The following STIM1 variants were observed in gnomAD, a reference collection of about 807,000 sequenced individuals.
The protein encoded by STIM1 is stromal interaction molecule 1.
In STIM1, 25 loss-of-function variants were observed where a neutral mutation model predicts 74.7. The ratio of observed to expected loss-of-function variants is 0.33; its 90% CI spans 0.24 to 0.47. The LOEUF (loss-of-function observed/expected upper bound fraction) is 0.47. Among genes scored for constraint, STIM1 ranks in the 20% least tolerant of loss-of-function variants. The probability of loss-of-function intolerance (pLI) is 1.00; values close to 1 mark genes in which losing one functional copy is unlikely to be tolerated. For synonymous variants in STIM1, 328 were observed against 348.8 expected, an observed-to-expected ratio of 0.94 and a Z score of 0.66; for missense variants, 728 against 920.8, an observed-to-expected ratio of 0.79 and a Z score of 2.71.
chr11:4,021,574 A>C (rs1396524483), intron 2 of STIM1, among the ~76,000 whole-genome samples: 1 of 152,160 alleles, frequency 6.6e-6, no homozygotes, highest in Non-Finnish European at 1.5e-5. Flanking sequence ...ATGCTGTTTC[A>C]GTTACTATTG....
At chr11:3,967,895 G>A (rs73427556) in intron 2 of STIM1, among the ~76,000 whole-genome samples, 1 of 152,172 alleles carries the variant, frequency 6.6e-6, no homozygotes. Flanking sequence ...CTGTGCCTGG[G>A]CTGGCTGCCC....
At chr11:3,960,231 G>A (rs550007573) in intron 1 of STIM1, among the ~76,000 whole-genome samples, 7 of 152,240 alleles carry the variant, frequency 4.6e-5, no homozygotes, top group African/African-American at 1.7e-4. Context: ...GTATTTGGCA[G>A]AATTTTCTTG....
intron 3 of STIM1, among the ~76,000 whole-genome samples, chr11:4,025,138 A>G (rs191292752): frequency 2.0e-5 from 3 of 152,216 alleles, no homozygotes; most frequent in African/African-American, 4.8e-5. Flanking sequence ...GGTTGAAAGC[A>G]TTAGTCTAAG....
At chr11:3,992,104 T>G (rs2093621632) in intron 2 of STIM1, among the ~76,000 whole-genome samples, 1 of 142,766 alleles carries the variant, frequency 7.0e-6, no homozygotes, top group African/African-American at 2.6e-5. Flanking sequence ...TTTTTTTTTT[T>G]TTTTTTTAGT....
chr11:4,018,313 G>A (rs563141066), intron 2 of STIM1, among the ~76,000 whole-genome samples: 25 of 150,354 alleles, frequency 1.7e-4, no homozygotes, highest in East Asian at 1.9e-4. Flanking sequence ...TTAGCCGGGC[G>A]CGGTGGCGGG....
chr11:3,865,442 T>C (rs796384853), intron 1 of STIM1, among the ~76,000 whole-genome samples: 2 of 152,342 alleles, frequency 1.3e-5, no homozygotes, highest in African/African-American at 4.8e-5. Context: ...CACAATATTA[T>C]ATTATGTTCA....
In STIM1 at chr11:3,906,823, C is replaced by T. The variant is rs75502778; in HGVS notation, c.139+50414C>T. 3.9e-5 allele frequency among the ~76,000 whole-genome samples: 6 copies of T among 152,222 alleles called. No individual in the cohort carries two copies. In the East Asian group the frequency reaches 9.7e-4, roughly 24 times the overall value. On this transcript the variant is annotated intron_variant, in intron 1 of 12. Coordinates refer to ENST00000526596, the MANE Select transcript of STIM1 (RefSeq NM_001382567.1). ...GTTGAATAAAGCAATAAGTAGATGTCTTACCATCGATAAGATAACAATCTT... is the reference window on the plus strand; with the variant it reads ...GTTGAATAAAGCAATAAGTAGATGTTTTACCATCGATAAGATAACAATCTT...
In STIM1 at chr11:3,983,220, C is replaced by T. The variant is rs189394232; in HGVS notation, c.270+15538C>T. Among the ~76,000 whole-genome samples, 4 of 152,306 alleles carry T rather than the reference C, an allele frequency of 2.6e-5. No individual in the cohort carries two copies. The East Asian group carries it at 7.7e-4, about 29-fold the overall frequency. Reference sequence around the variant, plus strand: ...AAGTGTTGGGATTACAAGTGTAAGCCACCATGCCCTGCCTCTATCTCCATT... The same window carrying T: ...AAGTGTTGGGATTACAAGTGTAAGCTACCATGCCCTGCCTCTATCTCCATT... On this transcript the variant is annotated intron_variant, in intron 2 of 12. Transcript: ENST00000526596.
chr11:4,076,485 CAAAAAAAAAAAAAAAAA>C (rs58804386), intron 7 of STIM1, among the ~76,000 whole-genome samples: 4 of 40,756 alleles, frequency 9.8e-5, no homozygotes, highest in Non-Finnish European at 1.2e-4. Context: ...GACTCCATCT[CAAAAAAAAAAAAAAAAA>C]AAAAAAAAAA....
chr11:3,895,690 CTTTCT>C (rs1565104999), intron 1 of STIM1, among the ~76,000 whole-genome samples: 7 of 29,896 alleles, frequency 2.3e-4, no homozygotes, highest in Non-Finnish European at 3.5e-4. Context: ...TTCCTTCTTT[CTTTCT>C]TTCTTTCTTT....
intron 1 of STIM1, among the ~76,000 whole-genome samples, chr11:3,893,095 G>A (rs1197646502): frequency 6.6e-6 from 1 of 152,148 alleles, no homozygotes; most frequent in Non-Finnish European, 1.5e-5. Context: ...TAAGTTGTTT[G>A]TGTTCATAAG....
chr11:4,024,518 A>G lies in STIM1; in HGVS notation c.385+531A>G, dbSNP rs147582613. The stretch of plus-strand genomic sequence containing the variant: ...AGTAGCCCTACTTCTTGAAGAAAAC[A>G]TTTTCTCAGCCTCCTTCTTGTCTTG... On this transcript the variant is annotated intron_variant, in intron 3 of 12. Coordinates refer to ENST00000526596, the MANE Select transcript of STIM1 (RefSeq NM_001382567.1). 3.8e-3 allele frequency among the ~76,000 whole-genome samples: 575 copies of G among 152,184 alleles called. 3 individuals carry two copies. The highest frequency in any genetic ancestry group is 0.013 in the African/African-American group (549 of 41,510).
intron 1 of STIM1, among the ~76,000 whole-genome samples, chr11:3,916,444 C>G (rs2092644616): frequency 7.1e-6 from 1 of 140,022 alleles, no homozygotes; most frequent in Non-Finnish European, 1.5e-5. Flanking sequence ...TGTGCCACCA[C>G]ACCCAATTTT....
chr11:4,018,458 C>CAAAAAAAAAAA (rs1157096857), intron 2 of STIM1, among the ~76,000 whole-genome samples: 3 of 20,536 alleles, frequency 1.5e-4, no homozygotes, highest in Non-Finnish European at 2.7e-4. Flanking sequence ...GACTCCGTCT[C>CAAAAAAAAAAA]AAAAAAAAAA....
intron 7 of STIM1, among the ~76,000 whole-genome samples, chr11:4,077,022 G>T (rs11827790): frequency 1.3e-5 from 2 of 151,226 alleles, no homozygotes; most frequent in African/African-American, 2.4e-5. Flanking sequence ...TATGCTGTTC[G>T]TAAGAGACAC....
intron 5 of STIM1, among the ~76,000 whole-genome samples, chr11:4,066,198 A>C (rs972001573): frequency 6.6e-6 from 1 of 152,012 alleles, no homozygotes; most frequent in Non-Finnish European, 1.5e-5. Flanking sequence ...AGCTCTGTTC[A>C]CCTAGCCAGC....
At chr11:3,967,810 T>A in intron 2 of STIM1, 128 bp downstream of exon 2, 1 of 1,384,390 alleles carries the variant, frequency 7.2e-7, no homozygotes, top group Non-Finnish European at 1.0e-6. Context: ...AACTCATCCC[T>A]ATCAGGGAAG....
intron 1 of STIM1, among the ~76,000 whole-genome samples, chr11:3,960,646 A>C (rs2093275404): frequency 6.6e-6 from 1 of 152,208 alleles, no homozygotes; most frequent in Non-Finnish European, 1.5e-5. Flanking sequence ...ACCTTTAAGA[A>C]ACCTACCGCT....
chr11:4,087,632 G>A (rs1438862521), intron 12 of STIM1, among the ~76,000 whole-genome samples: 2 of 152,034 alleles, frequency 1.3e-5, no homozygotes, highest in African/African-American at 4.8e-5. Flanking sequence ...AAGTGAATCA[G>A]TCACATTTGC....
Sources: gnomAD v4.1 joint callset for allele counts (sites outside exome capture counted in the v4.1 genomes callset) on GRCh38, gnomAD v4.1.1 for gene constraint, MANE v1.5 for transcripts, NCBI Gene and HGNC (gene_info 2026-07-23, HGNC 2026-07-21) for gene names.